SLC35D1: variants seen among roughly 807,000 people sequenced by gnomAD.
The protein encoded by SLC35D1 is solute carrier family 35 member D1.
SLC35D1 carries 31 observed loss-of-function variants against 46.7 expected under a neutral mutation model. The ratio of observed to expected loss-of-function variants is 0.66; its 90% CI spans 0.50 to 0.90. The LOEUF is 0.90. Among genes scored for constraint, SLC35D1 ranks in the 40% least tolerant of loss-of-function variants. The pLI is 0.00. For synonymous variants in SLC35D1, 195 were observed against 164.6 expected (o/e 1.18, Z -1.41); for missense variants, 397 against 426.2 (o/e 0.93, Z 0.60).
rs1219587600 is a variant in SLC35D1 at position 67,021,528 on chromosome 1, G to C, written c.797+7C>G. Reference sequence around the variant, plus strand: ...AACTATCTGCTAACAAGGTAACAAAGGCTTACCCCATCACACAGGAGAGGG... The same window carrying C: ...AACTATCTGCTAACAAGGTAACAAACGCTTACCCCATCACACAGGAGAGGG... On this transcript the variant is annotated splice_region_variant and intron_variant, in intron 9 of 11. Transcript: ENST00000235345. The C allele has an allele frequency of 3.1e-6, 5 of 1,613,828 alleles. No homozygotes were observed. The highest frequency in any genetic ancestry group is 4.2e-6 in the Non-Finnish European group (5 of 1,179,792).
At position 67,002,172 on chromosome 1, in the gene SLC35D1, G is replaced by C. The variant is rs773323743; in HGVS notation, c.*2168C>G. 1 of 152,324 alleles carries C rather than the reference G, an allele frequency of 6.6e-6. No individual in the cohort carries two copies. The highest frequency in any genetic ancestry group is 1.5e-5 in the Non-Finnish European group (1 of 68,046). The allele number at this position is 152,324 out of a possible 1,614,324, so 9.4% of individuals were successfully genotyped here. A position where few individuals can be genotyped will look rare whatever the true frequency, so the allele number is the denominator to read the frequency against. On this transcript the variant is annotated 3_prime_UTR_variant, in exon 12 of 12. Coordinates refer to ENST00000235345, the MANE Select transcript of SLC35D1 (RefSeq NM_015139.3). ...ATAGCTCTCACTATGCCCTTTCACT[G>C]TACCTAAGCAAAACCAGGAAGTGTT...
chr1:66,981,643 A>G, the SLC35D1 span: 3 of 643,002 alleles, frequency 4.7e-6, no homozygotes, highest in African/African-American at 3.7e-5. Context: ...AGATCCTGGT[A>G]TGATAGATGA....
chr1:67,009,089 T>A lies in SLC35D1; in HGVS notation c.955A>T (p.Ile319Phe). The A allele has an allele frequency of 6.9e-7, 1 of 1,449,208 alleles. No individual in the cohort carries two copies. Among genetic ancestry groups the A allele is most frequent in the Non-Finnish European group, 9.7e-7 (1 of 1,033,238 alleles). The allele number at this position is 1,449,208 out of a possible 1,614,324, so 89.8% of individuals were successfully genotyped here. Residue 319 changes from isoleucine (I) to phenylalanine (F), a missense_variant, in exon 11 of 12, where the codon ATC becomes TTC. Physicochemically the swap from Ile to Phe is conservative, Grantham distance 21 (BLOSUM62 0). Coordinates refer to ENST00000235345, the MANE Select transcript of SLC35D1 (RefSeq NM_015139.3). ...FTWTNFIGLN[I>F]SIAGSLVYSY... ...TAATTAAATATTTTTACTTACCTGA[T>A]ATTTAAACCAATGAAGTTTGTCCAC...
intron 8 of SLC35D1, among the ~76,000 whole-genome samples, chr1:67,026,508 G>C (rs562540011): frequency 3.9e-5 from 6 of 152,128 alleles, no homozygotes; most frequent in African/African-American, 1.2e-4. Context: ...CTATTTTCTG[G>C]AAGAATTTAT....
At chr1:67,037,580 G>T (rs1031558436) in intron 8 of SLC35D1, among the ~76,000 whole-genome samples, 3 of 152,254 alleles carry the variant, frequency 2.0e-5, no homozygotes, top group Admixed American at 2.0e-4. Flanking sequence ...GGATAACTTA[G>T]CACCAATTTA....
At chr1:66,994,933 AAAAG>A (rs908142716), downstream of SLC35D1, among the ~76,000 whole-genome samples, 23 of 151,728 alleles carry the variant, frequency 1.5e-4, no homozygotes, top group Non-Finnish European at 2.9e-5. Context: ...AAAAAAAAAA[AAAAG>A]AAGAAACAAC....
At chr1:67,033,739 G>A (rs910270031) in intron 8 of SLC35D1, among the ~76,000 whole-genome samples, 5 of 152,248 alleles carry the variant, frequency 3.3e-5, no homozygotes, top group Middle Eastern at 3.4e-3. Flanking sequence ...TGCTTGTGGG[G>A]TATTACTAAG....
intron 10 of SLC35D1, among the ~76,000 whole-genome samples, chr1:67,019,469 CAG>C (rs1208452605): frequency 1.3e-5 from 2 of 152,234 alleles, no homozygotes. Context: ...TTTGAAACCA[CAG>C]ACTTTCTGGA....
chr1:66,985,545 A>ATTC, the SLC35D1 span: 1 of 985,116 alleles, frequency 1.0e-6, no homozygotes, highest in Non-Finnish European at 1.2e-6. Flanking sequence ...TAAGAAATAC[A>ATTC]TTCTGTATTT....
chr1:67,035,250 T>C (rs961829060), intron 8 of SLC35D1, among the ~76,000 whole-genome samples: 2 of 152,190 alleles, frequency 1.3e-5, no homozygotes, highest in African/African-American at 4.8e-5. Flanking sequence ...CTCTATTTTT[T>C]GGAATAGTTT....
rs961882264 is a variant in SLC35D1 at position 67,003,806 on chromosome 1, T to A, written c.*534A>T. 5.8e-6 allele frequency: 1 copy of A among 172,468 alleles called. No individual in the cohort carries two copies. Among genetic ancestry groups the A allele is most frequent in the African/African-American group, 2.4e-5 (1 of 41,604 alleles). The allele number at this position is 172,468 out of a possible 1,614,324, so 10.7% of individuals were successfully genotyped here. A position where few individuals can be genotyped will look rare whatever the true frequency, so the allele number is the denominator to read the frequency against. The stretch of plus-strand genomic sequence containing the variant: ...GCAATACACTTCAAAGCCCCACATA[T>A]TTTTATAGTGCCAAAGTTGTTTTCC... On this transcript the variant is annotated 3_prime_UTR_variant, in exon 12 of 12. Transcript: ENST00000235345.
At chr1:66,995,433 TAAAAAAAAAAAAAAAAAAAAAAAAAAA>T (rs541234514), downstream of SLC35D1, among the ~76,000 whole-genome samples, 101 of 35,802 alleles carry the variant, frequency 2.8e-3, 1 homozygote, top group East Asian at 0.022. Flanking sequence ...CCTGCTACGC[TAAAAAAAAAAAAAAAAAAAAAAAAAAA>T]AAAAAAAAAA....
intron 6 of SLC35D1, among the ~76,000 whole-genome samples, chr1:67,049,293 C>CAA (rs1334400228): frequency 2.3e-4 from 24 of 105,184 alleles, no homozygotes; most frequent in African/African-American, 8.3e-4. Flanking sequence ...GACTCCGTCT[C>CAA]AAAAAAAAAA....
At chr1:67,035,617 T>C (rs923005002) in intron 8 of SLC35D1, among the ~76,000 whole-genome samples, 4 of 152,156 alleles carry the variant, frequency 2.6e-5, no homozygotes, top group African/African-American at 9.6e-5. Context: ...TTGTCAATTT[T>C]TTCATTTCAG....
chr1:67,053,918 C>G lies in SLC35D1; in HGVS notation c.96G>C (p.Ala32=). Residue 32 remains alanine (A), a synonymous_variant, in exon 1 of 12, where the codon GCG becomes GCC. Transcript: ENST00000235345. The stretch of plus-strand genomic sequence containing the variant: ...GAAACACGGTCAGCGTTTCGGCCGA[C>G]GCCATCCCCAGCTCCTCCTCATCTC... The part of the protein sequence containing the change: ...TLRDEEELGM[A]SAETLTVFLK... 6.2e-7 allele frequency: 1 copy of G among 1,613,816 alleles called. No homozygotes were observed. Among genetic ancestry groups the G allele is most frequent in the Admixed American group, 1.7e-5 (1 of 60,016 alleles).
At chr1:66,983,142 T>C in the SLC35D1 span, among the ~76,000 whole-genome samples, 1 of 152,110 alleles carries the variant, frequency 6.6e-6, no homozygotes, top group Non-Finnish European at 1.5e-5. Flanking sequence ...TTACGTACAG[T>C]CAAAACTGCC....
chr1:67,015,787 G>A (rs1667672994), intron 10 of SLC35D1, among the ~76,000 whole-genome samples: 1 of 152,148 alleles, frequency 6.6e-6, no homozygotes, highest in Non-Finnish European at 1.5e-5. Flanking sequence ...AGAGGGGGTA[G>A]AGGGAAAAAC....
chr1:66,979,829 A>G, the SLC35D1 span, among the ~76,000 whole-genome samples: 1 of 151,714 alleles, frequency 6.6e-6, no homozygotes, highest in African/African-American at 2.4e-5. Context: ...CAGTGGCGCA[A>G]TCTCGGCTCA....
At chr1:66,981,348 A>G in the SLC35D1 span, among the ~76,000 whole-genome samples, 6 of 152,224 alleles carry the variant, frequency 3.9e-5, no homozygotes, top group Non-Finnish European at 7.3e-5. Context: ...TTAGGAGGTA[A>G]TCAGTCCTTT....
Sources: gnomAD v4.1 joint callset for allele counts (sites outside exome capture counted in the v4.1 genomes callset) on GRCh38, gnomAD v4.1.1 for gene constraint, MANE v1.5 for transcripts, NCBI Gene and HGNC (gene_info 2026-07-23, HGNC 2026-07-21) for gene names.